MYO16: variants seen among roughly 807,000 people sequenced by gnomAD.
MYO16 encodes myosin XVI.
MYO16 carries 94 observed loss-of-function variants against 205.3 expected under a neutral mutation model. The ratio of observed to expected loss-of-function variants is 0.46; its 90% CI spans 0.39 to 0.54. MYO16 has a LOEUF of 0.54. Among genes scored for constraint, MYO16 ranks in the 20% least tolerant of loss-of-function variants. The pLI is 0.00. For synonymous variants in MYO16, 988 were observed against 954.0 expected (o/e 1.04, Z -0.66); for missense variants, 2,315 against 2,387.5 (o/e 0.97, Z 0.63).
intron 22 of MYO16, among the ~76,000 whole-genome samples, chr13:109,013,070 T>C (rs1481499987): frequency 6.8e-6 from 1 of 147,640 alleles, no homozygotes; most frequent in Non-Finnish European, 1.5e-5. Flanking sequence ...ACCCATTAAC[T>C]CATCATTTAC....
Position 108,739,028 on chromosome 13 carries a change from C to G in MYO16, c.507+11445C>G, listed in dbSNP as rs143667428. ...CATCCCTTTGTTTTGAGCCTATGTGCATCTCTGCAGGTGAGATGGGTCTCC... is the reference window on the plus strand; with the variant it reads ...CATCCCTTTGTTTTGAGCCTATGTGGATCTCTGCAGGTGAGATGGGTCTCC... On this transcript the variant is annotated intron_variant, in intron 4 of 34. Transcript: ENST00000457511. 5.5e-3 allele frequency among the ~76,000 whole-genome samples: 836 copies of G among 152,258 alleles called. 6 individuals are homozygous for G. Among genetic ancestry groups the G allele is most frequent in the African/African-American group, 0.019 (781 of 41,550 alleles).
At chr13:108,674,999 T>A (rs1882140066) in intron 2 of MYO16, among the ~76,000 whole-genome samples, 1 of 152,208 alleles carries the variant, frequency 6.6e-6, no homozygotes, top group Non-Finnish European at 1.5e-5. Flanking sequence ...GGCAGCTTCA[T>A]CAGCGTCACT....
At position 108,785,655 on chromosome 13, in the gene MYO16, C is replaced by T. The variant is rs772414133; in HGVS notation, c.528C>T (p.Leu176=). The change falls in exon 5 of 35, where the codon CTC becomes CTT. Residue 176 remains leucine, a synonymous_variant. Coordinates refer to ENST00000457511, the MANE Select transcript of MYO16 (RefSeq NM_001198950.3). ...LLVLAGANVL[L]QDVNGNIPLD... is the part of the protein sequence containing the mutation. Reference sequence around the variant, plus strand: ...TCTAGGCTGGAGCCAATGTCCTTCTCCAGGATGTGAATGGAAATATCCCAT... The same window carrying T: ...TCTAGGCTGGAGCCAATGTCCTTCTTCAGGATGTGAATGGAAATATCCCAT... 2.5e-6 allele frequency: 4 copies of T among 1,611,488 alleles called. No homozygotes were observed. Among genetic ancestry groups the T allele is most frequent in the Non-Finnish European group, 1.7e-6 (2 of 1,179,056 alleles).
At chr13:108,669,722 A>T (rs995132186) in intron 2 of MYO16, among the ~76,000 whole-genome samples, 2 of 152,130 alleles carry the variant, frequency 1.3e-5, no homozygotes, top group Non-Finnish European at 2.9e-5. Context: ...GTACATATAC[A>T]CCATGGAATA....
At chr13:109,067,388 C>T (rs904199098) in intron 27 of MYO16, among the ~76,000 whole-genome samples, 7 of 152,138 alleles carry the variant, frequency 4.6e-5, no homozygotes, top group Non-Finnish European at 5.9e-5. Context: ...TGCCATCATT[C>T]CTATTTTACA....
intron 28 of MYO16, among the ~76,000 whole-genome samples, chr13:109,112,446 TG>T (rs928197610): frequency 6.6e-6 from 1 of 152,160 alleles, no homozygotes; most frequent in African/African-American, 2.4e-5. Flanking sequence ...TTAAATAAGT[TG>T]AAAATATTTA....
intron 33 of MYO16, among the ~76,000 whole-genome samples, chr13:109,171,263 G>A (rs1224755452): frequency 6.6e-6 from 1 of 152,196 alleles, no homozygotes; most frequent in African/African-American, 2.4e-5. Context: ...CACATGTGCA[G>A]AATGTGATGT....
intron 32 of MYO16, among the ~76,000 whole-genome samples, chr13:109,155,535 T>C (rs1012657919): frequency 6.6e-6 from 1 of 152,194 alleles, no homozygotes; most frequent in African/African-American, 2.4e-5. Flanking sequence ...GTTTCTTAAG[T>C]AATCAATGCT....
At chr13:108,621,948 G>A (rs1016581259) in intron 1 of MYO16, among the ~76,000 whole-genome samples, 3 of 151,788 alleles carry the variant, frequency 2.0e-5, no homozygotes, top group Admixed American at 6.6e-5. Flanking sequence ...CTTTATCATA[G>A]GAATAGTATA....
the MYO16 span, among the ~76,000 whole-genome samples, chr13:108,522,707 T>C: frequency 6.6e-6 from 1 of 152,110 alleles, no homozygotes; most frequent in Admixed American, 6.6e-5. Flanking sequence ...TTGGTGTTCC[T>C]CGGCTTGTAG....
chr13:108,665,789 C>T, intron 1 of MYO16, 97 bp from the exon 2 acceptor site: 1 of 1,257,898 alleles, frequency 7.9e-7, no homozygotes, highest in East Asian at 2.6e-5. Context: ...CATTTATGAC[C>T]TGTGCAATGG....
intron 12 of MYO16, among the ~76,000 whole-genome samples, chr13:108,871,264 C>A (rs756886489): frequency 3.3e-5 from 5 of 150,086 alleles, no homozygotes; most frequent in South Asian, 2.1e-4. Flanking sequence ...TTGAACATGT[C>A]ATTTTTAATC....
At chr13:109,090,243 A>G (rs984965156) in intron 27 of MYO16, among the ~76,000 whole-genome samples, 4 of 152,242 alleles carry the variant, frequency 2.6e-5, no homozygotes, top group African/African-American at 9.6e-5. Flanking sequence ...GAGAAGCCTC[A>G]TACGGGTCCC....
At chr13:109,022,415 T>A (rs1886085539) in intron 23 of MYO16, among the ~76,000 whole-genome samples, 1 of 128,584 alleles carries the variant, frequency 7.8e-6, no homozygotes, top group South Asian at 2.4e-4. Context: ...GTATATATTG[T>A]ATATACAAAT....
intron 27 of MYO16, 57 bp from the exon 28 acceptor site, chr13:109,100,728 G>A: frequency 7.2e-7 from 1 of 1,387,626 alleles, no homozygotes; most frequent in Non-Finnish European, 1.0e-6. Flanking sequence ...CCTGTTGAAT[G>A]TGATCATGTG....
At chr13:108,777,036 A>C (rs1009765249) in intron 4 of MYO16, among the ~76,000 whole-genome samples, 14 of 152,156 alleles carry the variant, frequency 9.2e-5, no homozygotes, top group Non-Finnish European at 1.5e-4. Flanking sequence ...CTAGAAGCAT[A>C]CATGCAAAGT....
rs2139775864 is a variant in MYO16 at position 109,127,507 on chromosome 13, T to C, written c.4008T>C (p.Ala1336=). 1 of 1,612,836 alleles carries C rather than the reference T, an allele frequency of 6.2e-7. No homozygotes were observed. Among genetic ancestry groups the C allele is most frequent in the Non-Finnish European group, 8.5e-7 (1 of 1,179,858 alleles). ...PNTRLSASYE[A]VSACLSAARE... is the part of the protein sequence containing the mutation. ...CCCGGCTGAGTGCTTCCTATGAGGC[T>C]GTGAGCGCCTGCCTCTCCGCGGCCA... is the stretch of plus-strand genomic sequence containing the variant. The change falls in exon 31 of 35, where the codon GCT becomes GCC. Residue 1336 remains alanine, a synonymous_variant. Coordinates refer to ENST00000457511, the MANE Select transcript of MYO16 (RefSeq NM_001198950.3). This position sits in a 1 kb window ranked among gnomAD's most constrained non-coding sequence, Gnocchi z 4.2.
At chr13:108,704,132 T>A (rs989626511) in intron 2 of MYO16, among the ~76,000 whole-genome samples, 3 of 152,140 alleles carry the variant, frequency 2.0e-5, no homozygotes, top group Non-Finnish European at 2.9e-5. Context: ...TATGAGAAAA[T>A]AAATTTCCAT....
chr13:108,981,133 A>C (rs1413185488), intron 20 of MYO16, among the ~76,000 whole-genome samples: 1 of 152,264 alleles, frequency 6.6e-6, no homozygotes, highest in African/African-American at 2.4e-5. Context: ...CTTTATTTCA[A>C]ATGAAATTGT....
Sources: allele counts gnomAD v4.1 joint callset (sites outside exome capture counted in the v4.1 genomes callset), GRCh38; gene constraint gnomAD v4.1.1; non-coding constraint Gnocchi (gnomAD v3.1); transcripts MANE v1.5; gene names NCBI Gene and HGNC (gene_info 2026-07-23, HGNC 2026-07-21).